The following VGLL4 variants were observed in gnomAD, a reference collection of about 807,000 sequenced individuals.
The protein encoded by VGLL4 is transcription cofactor vestigial-like protein 4.
A neutral mutation model predicts 21.0 loss-of-function variants in VGLL4; 7 were observed. The ratio of observed to expected loss-of-function variants is 0.33; its 90% confidence interval spans 0.19 to 0.63. The LOEUF is 0.63. Among genes scored for constraint, VGLL4 ranks in the 20% least tolerant of loss-of-function variants. The pLI is 0.78. For synonymous variants in VGLL4, 222 were observed against 173.2 expected (o/e 1.28, Z -2.21); for missense variants, 394 against 425.7 (o/e 0.93, Z 0.66).
At chr3:11,707,355 CGAA>C (rs1370960713) in intron 1 of VGLL4, among the ~76,000 whole-genome samples, 1 of 132,682 alleles carries the variant, frequency 7.5e-6, no homozygotes, top group Non-Finnish European at 1.6e-5. Flanking sequence ...AAAAAAAAGA[CGAA>C]GAAGTTCTGT....
upstream of VGLL4, chr3:11,644,032 C>A: frequency 1.0e-6 from 1 of 975,954 alleles, no homozygotes; most frequent in Non-Finnish European, 1.2e-6. Context: ...CTCAATGTAG[C>A]AAGTGTTGGA....
intron 2 of VGLL4, among the ~76,000 whole-genome samples, chr3:11,649,893 CTATT>C (rs2075843002): frequency 6.9e-6 from 1 of 145,474 alleles, no homozygotes; most frequent in Admixed American, 6.9e-5. Context: ...CACAAGTGCT[CTATT>C]TGGTTTGGTT....
chr3:11,598,269 C>T (rs1393647831), intron 2 of VGLL4, among the ~76,000 whole-genome samples: 1 of 151,958 alleles, frequency 6.6e-6, no homozygotes, highest in East Asian at 1.9e-4. Context: ...TCATGTGATC[C>T]GCCCACCCTG....
chr3:11,641,040 C>T (rs1372988745), intron 1 of VGLL4, among the ~76,000 whole-genome samples: 1 of 151,050 alleles, frequency 6.6e-6, no homozygotes, highest in Non-Finnish European at 1.5e-5. Flanking sequence ...TGGCTTGAAC[C>T]CGGGAGGCAG....
chr3:11,663,703 G>A (rs993121853), intron 2 of VGLL4, among the ~76,000 whole-genome samples: 3 of 151,692 alleles, frequency 2.0e-5, no homozygotes, highest in African/African-American at 2.4e-5. Context: ...GGGTGACAGA[G>A]CAAGGCTCCA....
chr3:11,643,689 A>C lies in VGLL4; in HGVS notation c.-171T>G. ...AAAGTTAAAAAAAAAAAAATCAGGC[A>C]CAAAAAAATCGAGCTCACACGAAAC... On this transcript the variant is annotated 5_prime_UTR_variant, in exon 1 of 5. Coordinates refer to ENST00000430365, the MANE Select transcript of VGLL4 (RefSeq NM_001128219.3). The C allele has an allele frequency of 7.0e-7, 1 of 1,431,360 alleles. No homozygotes were observed. Among genetic ancestry groups the C allele is most frequent in the South Asian group, 1.5e-5 (1 of 66,342 alleles). The allele number at this position is 1,431,360 out of a possible 1,614,324, so 88.7% of individuals were successfully genotyped here.
At chr3:11,656,497 A>G (rs2075960780) in intron 2 of VGLL4, among the ~76,000 whole-genome samples, 1 of 152,188 alleles carries the variant, frequency 6.6e-6, no homozygotes, top group African/African-American at 2.4e-5. Flanking sequence ...GGATCTTTGC[A>G]GAAGGGGCTG....
rs1211341191 is a variant in VGLL4 at position 11,597,817 on chromosome 3, G to GAGC, written c.272+4013_272+4015dup. Among the ~76,000 whole-genome samples the GAGC allele has an allele frequency of 2.6e-5, 4 of 152,256 alleles. No individual in the cohort carries two copies. In the East Asian group the frequency reaches 7.7e-4, roughly 29 times the overall value. The stretch of plus-strand genomic sequence containing the variant: ...CCCAGTCATTGGCTTTCTGTGTGGT[G>GAGC]AGCAGCAGGACCCAGACCAAACCCC... On this transcript the variant is annotated intron_variant, in intron 2 of 4. Coordinates refer to ENST00000430365, the MANE Select transcript of VGLL4 (RefSeq NM_001128219.3).
chr3:11,594,293 T>C (rs1270632318), intron 2 of VGLL4, among the ~76,000 whole-genome samples: 1 of 152,166 alleles, frequency 6.6e-6, no homozygotes, highest in Non-Finnish European at 1.5e-5. Flanking sequence ...CATCATCCTC[T>C]CACAAACTCA....
chr3:11,588,319 C>T (rs2074406511), intron 2 of VGLL4, among the ~76,000 whole-genome samples: 2 of 152,210 alleles, frequency 1.3e-5, no homozygotes, highest in African/African-American at 2.4e-5. Flanking sequence ...AGAGTGTCAT[C>T]GTTTTACACA....
rs2076968732 is a variant in VGLL4 at position 11,719,797 on chromosome 3, C to T, written c.-14+597G>A. Among the ~76,000 whole-genome samples, 1 of 152,074 alleles carries T rather than the reference C, an allele frequency of 6.6e-6. No individual in the cohort carries two copies. The highest frequency in any genetic ancestry group is 1.5e-5 in the Non-Finnish European group (1 of 68,004). ...GGCAGGGAGAGGCCGCTTTCCCTCC[C>T]CCGCCAGCTGCGCGCCCGGTGCCAG... On this transcript the variant is annotated intron_variant, in intron 1 of 5. Transcript: ENST00000273038. This position sits in a 1 kb window ranked among gnomAD's most constrained non-coding sequence, Gnocchi z 4.0.
rs77353642 is a variant in VGLL4, at chr3:11,711,061, T to C, written c.-13-8014A>G. Reference sequence around the variant, plus strand: ...TTTGCAGTAAGCTGAGATCGCACCATAGCACTCAGCCTGAGCAACAGAGTG... The same window carrying C: ...TTTGCAGTAAGCTGAGATCGCACCACAGCACTCAGCCTGAGCAACAGAGTG... On this transcript the variant is annotated intron_variant, in intron 1 of 5. Coordinates refer to the VGLL4 transcript ENST00000273038. Among the ~76,000 whole-genome samples the C allele has an allele frequency of 3.3e-3, 477 of 143,504 alleles. 6 individuals are homozygous for C. The highest frequency in any genetic ancestry group is 0.012 in the African/African-American group (449 of 38,326). The allele number at this position is 143,504 out of a possible 152,430, so 94.1% of individuals were successfully genotyped here.
At chr3:11,611,872 C>A (rs931788809) in intron 1 of VGLL4, 2 of 151,792 alleles carry the variant, frequency 1.3e-5, no homozygotes, top group African/African-American at 4.8e-5. Flanking sequence ...GAGAGGAGGA[C>A]TAGGTTTGTG....
chr3:11,677,673 G>A (rs1158773234), intron 2 of VGLL4, among the ~76,000 whole-genome samples: 3 of 152,072 alleles, frequency 2.0e-5, no homozygotes, highest in Non-Finnish European at 4.4e-5. Flanking sequence ...AGGCACAGTG[G>A]CTCACACCTG....
intron 2 of VGLL4, among the ~76,000 whole-genome samples, chr3:11,598,218 G>T (rs1294791068): frequency 6.6e-6 from 1 of 151,866 alleles, no homozygotes. Flanking sequence ...GTACAGACAG[G>T]GTTTCACCAT....
intron 1 of VGLL4, among the ~76,000 whole-genome samples, chr3:11,710,239 G>A (rs906091122): frequency 2.6e-5 from 4 of 152,136 alleles, no homozygotes; most frequent in Non-Finnish European, 4.4e-5. Context: ...ACATTTGGAG[G>A]GGACAAACAT....
chr3:11,622,399 T>C (rs2075279430), intron 1 of VGLL4, among the ~76,000 whole-genome samples: 1 of 124,586 alleles, frequency 8.0e-6, no homozygotes, highest in Non-Finnish European at 1.7e-5. Context: ...TCCCAATGCC[T>C]TATTTTAATG....
chr3:11,629,599 T>A (rs552683320), intron 1 of VGLL4, among the ~76,000 whole-genome samples: 19 of 151,962 alleles, frequency 1.3e-4, no homozygotes, highest in South Asian at 1.0e-3. Context: ...CACATAAAAT[T>A]AGCCAGTTGT....
chr3:11,700,634 A>G (rs2125402828), intron 2 of VGLL4, among the ~76,000 whole-genome samples: 1 of 152,318 alleles, frequency 6.6e-6, no homozygotes, highest in African/African-American at 2.4e-5. Context: ...ATCATTGCTT[A>G]GGTACCACAT....
Sources: gnomAD v4.1 joint callset for allele counts (sites outside exome capture counted in the v4.1 genomes callset) on GRCh38, gnomAD v4.1.1 for gene constraint, Gnocchi (gnomAD v3.1) non-coding constraint, MANE v1.5 for transcripts, NCBI Gene and HGNC (gene_info 2026-07-23, HGNC 2026-07-21) for gene names.